NAT14: variants seen among roughly 807,000 people sequenced by gnomAD.
NAT14 encodes probable N-acetyltransferase 14.
A neutral mutation model predicts 12.1 loss-of-function variants in NAT14; 14 were observed. That is an observed-to-expected ratio of 1.16 (90% CI 0.76 to 1.81). NAT14 has a LOEUF of 1.81. Ranked by LOEUF, NAT14 falls within the 40% of genes most tolerant of loss-of-function variation. NAT14 has a pLI of 0.00. For missense variants in NAT14, 341 were observed against 304.3 expected (o/e 1.12, Z -0.90); for synonymous variants, 156 against 145.1 (o/e 1.08, Z -0.54).
In NAT14 at chr19:55,485,645, C is replaced by G; in HGVS notation, c.-48-16C>G. ...GAGGTGCCCCCCTGACGCTGACCTA[C>G]TTATGTTCTCACCAGGTGCACGACG... On this transcript the variant is annotated splice_polypyrimidine_tract_variant and intron_variant, in intron 1 of 2. Coordinates refer to ENST00000205194, the MANE Select transcript of NAT14 (RefSeq NM_020378.4). 1 of 1,389,876 alleles carries G rather than the reference C, an allele frequency of 7.2e-7. No individual in the cohort carries two copies. The highest frequency in any genetic ancestry group is 2.5e-5 in the East Asian group (1 of 40,158). 86.1% of individuals were successfully genotyped at this position (1,389,876 alleles called of 1,614,324 possible).
At position 55,485,292 on chromosome 19, in the gene NAT14, C is replaced by T. The variant is rs537933522; in HGVS notation, c.-49+34C>T. The T allele has an allele frequency of 1.2e-3, 219 of 179,542 alleles. 1 individual carries two copies. Among genetic ancestry groups the T allele is most frequent in the African/African-American group, 4.6e-3 (197 of 42,652 alleles). 11.1% of individuals were successfully genotyped at this position (179,542 alleles called of 1,614,324 possible). ...TGGTCCTTGTTCTTGTGGCGCGGGA[C>T]GGGGACGACTGTGGGGGAGGGGGCG... On this transcript the variant is annotated intron_variant, in intron 1 of 2. Coordinates refer to ENST00000205194, the MANE Select transcript of NAT14 (RefSeq NM_020378.4).
intron 1 of NAT14, 122 bp from the exon 2 acceptor site, chr19:55,485,539 T>G: frequency 1.7e-6 from 1 of 585,802 alleles, no homozygotes; most frequent in Non-Finnish European, 3.1e-6. Context: ...GATCCTCGCT[T>G]GGGGGCCCCG....
Position 55,487,489 on chromosome 19 carries a change from G to C in NAT14, c.*533G>C, listed in dbSNP as rs1412466008. The C allele has an allele frequency of 1.3e-5, 5 of 397,086 alleles. No homozygotes were observed. The highest frequency in any genetic ancestry group is 2.2e-5 in the Non-Finnish European group (5 of 225,628). The allele number at this position is 397,086 out of a possible 1,614,324, so 24.6% of individuals were successfully genotyped here. On this transcript the variant is annotated 3_prime_UTR_variant, in exon 3 of 3. Transcript: ENST00000205194. The stretch of plus-strand genomic sequence containing the variant: ...TGGCCCCTCTCTGGGAAGGTTGAGA[G>C]CTGAGACGGGCAGCCCTGTCCCTTC...
chr19:55,486,115 TCCAGCCTC>T, intron 2 of NAT14: 1 of 382,770 alleles, frequency 2.6e-6, no homozygotes, highest in Non-Finnish European at 5.1e-6. Context: ...GCAGCCTCCC[TCCAGCCTC>T]CACTCCAGCC....
intron 2 of NAT14, chr19:55,485,988 A>G: frequency 1.7e-6 from 1 of 598,984 alleles, no homozygotes; most frequent in South Asian, 2.0e-5. Flanking sequence ...GGACCCCAGC[A>G]CCAACGCCCT....
intron 1 of NAT14, 114 bp from the exon 2 acceptor site, chr19:55,485,547 C>A: frequency 1.6e-6 from 1 of 606,554 alleles, no homozygotes; most frequent in South Asian, 2.2e-5. Flanking sequence ...CTTGGGGGCC[C>A]CGAGGGTTCT....
Position 55,486,925 on chromosome 19 carries a change from C to G in NAT14, c.590C>G (p.Thr197Arg). 6.4e-7 allele frequency: 1 copy of G among 1,562,704 alleles called. No homozygotes were observed. Among genetic ancestry groups the G allele is most frequent in the Non-Finnish European group, 8.6e-7 (1 of 1,162,020 alleles). The change falls in exon 3 of 3, where the codon ACG becomes AGG. Residue 197 changes from threonine (T) to arginine (R), a missense_variant. Coordinates refer to ENST00000205194, the MANE Select transcript of NAT14 (RefSeq NM_020378.4). ...AEGGWGCLGY[T>R]LVREFSKDL ...GGGGGCTGGGGCTGCCTGGGCTACA[C>G]GCTGGTGAGGGAATTCAGCAAAGAC...
chr19:55,487,048 C>T lies in NAT14; in HGVS notation c.*92C>T, dbSNP rs888755016. Reference sequence around the variant, plus strand: ...TCTGCGGGTTCTTTTACCTGCTCTCCCTCAGTGAGTCCTCAACCACCCTGG... The same window carrying T: ...TCTGCGGGTTCTTTTACCTGCTCTCTCTCAGTGAGTCCTCAACCACCCTGG... On this transcript the variant is annotated 3_prime_UTR_variant, in exon 3 of 3. Coordinates refer to ENST00000205194, the MANE Select transcript of NAT14 (RefSeq NM_020378.4). 3.7e-5 allele frequency: 54 copies of T among 1,459,152 alleles called. No homozygotes were observed. The highest frequency in any genetic ancestry group is 4.6e-5 in the Non-Finnish European group (51 of 1,110,256). 90.4% of individuals were successfully genotyped at this position (1,459,152 alleles called of 1,614,324 possible).
At position 55,486,401 on chromosome 19, in the gene NAT14, C is replaced by T. The variant is rs1277589273; in HGVS notation, c.73-7C>T. On this transcript the variant is annotated splice_region_variant and splice_polypyrimidine_tract_variant and intron_variant, in intron 2 of 2. Transcript: ENST00000205194. ...TCGGATGGCTGAGCCACCCCTCCTG[C>T]CCACAGGCCGGCGTGAAGGACACGG... The T allele has an allele frequency of 6.9e-7, 1 of 1,445,386 alleles. No individual in the cohort carries two copies. 89.5% of individuals were successfully genotyped at this position (1,445,386 alleles called of 1,614,324 possible).
At position 55,486,331 on chromosome 19, in the gene NAT14, C is replaced by T. The variant is rs1986910345; in HGVS notation, c.73-77C>T. 9 of 1,386,000 alleles carry T rather than the reference C, an allele frequency of 6.5e-6. No individual in the cohort carries two copies. The South Asian group carries it at 9.9e-5, about 15-fold the overall frequency. 85.9% of individuals were successfully genotyped at this position (1,386,000 alleles called of 1,614,324 possible). ...CCATTTGGGAGCTCTCACCCCGCCC[C>T]GGGCAGGGTCTACCTCCTCTCTTTG... On this transcript the variant is annotated intron_variant, in intron 2 of 2. Transcript: ENST00000205194.
Position 55,486,691 on chromosome 19 carries a change from C to A in NAT14, c.356C>A (p.Ala119Glu). ...GVLALAPGTN[A>E]GDGARVTRLS... is the part of the protein sequence containing the mutation. ...CTGGCTCTGGCCCCTGGCACAAATG[C>A]AGGGGACGGGGCCCGGGTCACCCGC... Residue 119 changes from alanine to glutamate, a missense_variant, in exon 3 of 3, where the codon GCA becomes GAA. By Grantham distance (107) the Ala-to-Glu change is moderately radical. Coordinates refer to ENST00000205194, the MANE Select transcript of NAT14 (RefSeq NM_020378.4). The A allele has an allele frequency of 2.1e-6, 3 of 1,433,196 alleles. No homozygotes were observed. The highest frequency in any genetic ancestry group is 2.7e-6 in the Non-Finnish European group (3 of 1,105,034). The allele number at this position is 1,433,196 out of a possible 1,614,324, so 88.8% of individuals were successfully genotyped here.
In NAT14 at chr19:55,486,748, G is replaced by C; in HGVS notation, c.413G>C (p.Gly138Ala). ...GTCTCTCGCTGGCACCGCCGCCGGG[G>C]CGTGGGCAGGAGGCTGCTGGCCTTC... ...LSVSRWHRRRGVGRRLLAFAE... is the reference protein window; with the variant it reads ...LSVSRWHRRRAVGRRLLAFAE... Residue 138 changes from glycine (G) to alanine (A), a missense_variant, in exon 3 of 3, where the codon GGC (glycine) becomes GCC (alanine). Gly to Ala is a moderately conservative substitution (Grantham distance 60, BLOSUM62 0). Transcript: ENST00000205194. 7.1e-7 allele frequency: 1 copy of C among 1,415,614 alleles called. No individual in the cohort carries two copies. Among genetic ancestry groups the C allele is most frequent in the Non-Finnish European group, 9.1e-7 (1 of 1,096,280 alleles). 87.7% of individuals were successfully genotyped at this position (1,415,614 alleles called of 1,614,324 possible).
chr19:55,485,842 T>C (rs1389863967), intron 2 of NAT14, 62 bp downstream of exon 2: 1 of 1,293,010 alleles, frequency 7.7e-7, no homozygotes, highest in East Asian at 2.5e-5. Context: ...GCAAGTGGAT[T>C]CAGCCACCCC....
intron 2 of NAT14, 31 bp from the exon 3 acceptor site, chr19:55,486,377 C>G: frequency 7.1e-7 from 1 of 1,416,072 alleles, no homozygotes; most frequent in Non-Finnish European, 9.2e-7. Context: ...CCTAGCGTTT[C>G]GGATGGCTGA....
At position 55,487,022 on chromosome 19, in the gene NAT14, G is replaced by C; in HGVS notation, c.*66G>C. On this transcript the variant is annotated 3_prime_UTR_variant, in exon 3 of 3. Transcript: ENST00000205194. ...CGCCAGCACCTGATGATCGCCTACT[G>C]TCTGCGGGTTCTTTTACCTGCTCTC... 6.7e-7 allele frequency: 1 copy of C among 1,493,006 alleles called. No individual in the cohort carries two copies. The highest frequency in any genetic ancestry group is 8.9e-7 in the Non-Finnish European group (1 of 1,126,744). 92.5% of individuals were successfully genotyped at this position (1,493,006 alleles called of 1,614,324 possible). A position where few individuals can be genotyped will look rare whatever the true frequency, so the allele number is the denominator to read the frequency against.
chr19:55,486,335 C>T (rs953180244), intron 2 of NAT14, 73 bp from the exon 3 acceptor site: 1 of 1,387,960 alleles, frequency 7.2e-7, no homozygotes, highest in Non-Finnish European at 9.3e-7. Flanking sequence ...CCGCCCCGGG[C>T]AGGGTCTACC....
At chr19:55,486,040 AC>A in intron 2 of NAT14, 1 of 594,726 alleles carries the variant, frequency 1.7e-6, no homozygotes, top group South Asian at 2.1e-5. Context: ...CGCCAGCACA[AC>A]AGCCAGCTCT....
At chr19:55,485,826 G>A in intron 2 of NAT14, 46 bp downstream of exon 2, 1 of 1,398,104 alleles carries the variant, frequency 7.2e-7, no homozygotes, top group Non-Finnish European at 9.9e-7. Context: ...CTGCAGTGGG[G>A]GAATTGCAAG....
chr19:55,486,523 C>A lies in NAT14; in HGVS notation c.188C>A (p.Ala63Asp). ...SGLRFVLASF[A>D]LALLLPVFLA... Reference sequence around the variant, plus strand: ...CTGCGCTTTGTCCTGGCTTCCTTCGCCCTGGCCCTCCTCCTGCCGGTGTTC... The same window carrying A: ...CTGCGCTTTGTCCTGGCTTCCTTCGACCTGGCCCTCCTCCTGCCGGTGTTC... Residue 63 changes from alanine to aspartate, a missense_variant, in exon 3 of 3, where the codon GCC (alanine) becomes GAC (aspartate). By Grantham distance (126) the Ala-to-Asp change is moderately radical. Coordinates refer to ENST00000205194, the MANE Select transcript of NAT14 (RefSeq NM_020378.4). 2 of 1,588,282 alleles carry A rather than the reference C, an allele frequency of 1.3e-6. No individual in the cohort carries two copies. Among genetic ancestry groups the A allele is most frequent in the Non-Finnish European group, 1.7e-6 (2 of 1,174,402 alleles).
Sources: gnomAD v4.1 joint callset for allele counts on GRCh38, gnomAD v4.1.1 for gene constraint, MANE v1.5 for transcripts, NCBI Gene and HGNC (gene_info 2026-07-23, HGNC 2026-07-21) for gene names.